RGPD2: variants seen among roughly 807,000 people sequenced by gnomAD.
The protein encoded by RGPD2 is RANBP2 like and GRIP domain containing 2.
A neutral mutation model predicts 36.0 loss-of-function variants in RGPD2; 2 were observed. That is an observed-to-expected ratio of 0.06 (90% confidence interval 0.02 to 0.17). RGPD2 has a LOEUF of 0.17. Ranked by LOEUF, RGPD2 falls within the 10% of genes least tolerant of loss-of-function variation. The probability of loss-of-function intolerance (pLI) is 1.00; values close to 1 mark genes in which losing one functional copy is unlikely to be tolerated. For synonymous variants in RGPD2, 19 were observed against 163.8 expected (o/e 0.12, Z 6.75); for missense variants, 40 against 464.3 (o/e 0.09, Z 8.40).
chr2:87,975,113 G>A, the RGPD2 span, among the ~76,000 whole-genome samples: 1 of 152,030 alleles, frequency 6.6e-6, no homozygotes, highest in Non-Finnish European at 1.5e-5. Context: ...CTCATTCCTG[G>A]TCCAGGCTTT....
At chr2:87,822,147 G>A (rs1686396763) in intron 1 of RGPD2, among the ~76,000 whole-genome samples, 1 of 152,064 alleles carries the variant, frequency 6.6e-6, no homozygotes, top group South Asian at 2.1e-4. Context: ...AGGACAATGA[G>A]GAAAAGTCTA....
the RGPD2 span, among the ~76,000 whole-genome samples, chr2:87,834,650 C>T: frequency 3.9e-5 from 6 of 151,916 alleles, no homozygotes; most frequent in Admixed American, 2.0e-4. Context: ...AAATTATACA[C>T]TGTAACACAT....
At chr2:87,974,027 C>T in the RGPD2 span, among the ~76,000 whole-genome samples, 1 of 152,120 alleles carries the variant, frequency 6.6e-6, no homozygotes, top group East Asian at 1.9e-4. Context: ...CTGTGTTTCA[C>T]AACTCCGGGG....
the RGPD2 span, among the ~76,000 whole-genome samples, chr2:87,959,053 TA>T: frequency 1.6e-3 from 38 of 24,108 alleles, 6 homozygotes; most frequent in African/African-American, 2.7e-3. Context: ...TATATATATA[TA>T]TATTTTTTTT....
the RGPD2 span, among the ~76,000 whole-genome samples, chr2:87,984,279 A>C: frequency 6.6e-6 from 1 of 152,218 alleles, no homozygotes; most frequent in African/African-American, 2.4e-5. Context: ...ACCCCTTTCC[A>C]AACATTACTT....
the RGPD2 span, among the ~76,000 whole-genome samples, chr2:87,857,464 T>TCC: frequency 6.6e-6 from 1 of 151,584 alleles, no homozygotes; most frequent in African/African-American, 2.4e-5. Context: ...TGCCTCAGCC[T>TCC]CTTGAGTAGC....
the RGPD2 span, among the ~76,000 whole-genome samples, chr2:87,974,957 C>T: frequency 6.6e-6 from 1 of 152,092 alleles, no homozygotes; most frequent in Non-Finnish European, 1.5e-5. Flanking sequence ...TGTTTAATCC[C>T]CCATTAGCTC....
At chr2:87,830,734 T>C (rs1672475922), upstream of RGPD2, among the ~76,000 whole-genome samples, 3 of 152,200 alleles carry the variant, frequency 2.0e-5, no homozygotes, top group Non-Finnish European at 4.4e-5. Flanking sequence ...AGGCATGTTT[T>C]ACATGGTGGA....
chr2:87,962,705 G>A, the RGPD2 span, among the ~76,000 whole-genome samples: 1 of 152,016 alleles, frequency 6.6e-6, no homozygotes, highest in African/African-American at 2.4e-5. Context: ...CTGAGGCCCA[G>A]CTACTCCAAA....
chr2:87,955,236 G>T, the RGPD2 span, among the ~76,000 whole-genome samples: 5 of 146,584 alleles, frequency 3.4e-5, 1 homozygote, highest in African/African-American at 1.3e-4. Context: ...GGATGGTCTC[G>T]ATCTCCTGAC....
the RGPD2 span, among the ~76,000 whole-genome samples, chr2:87,857,467 T>C: frequency 4.9e-4 from 74 of 151,366 alleles, no homozygotes; most frequent in African/African-American, 9.7e-4. Context: ...CTCAGCCTCT[T>C]GAGTAGCTGG....
the RGPD2 span, among the ~76,000 whole-genome samples, chr2:87,964,652 C>A: frequency 1.3e-5 from 2 of 150,228 alleles, no homozygotes; most frequent in Admixed American, 1.3e-4. Context: ...ATGCAGACTT[C>A]CATAACAACT....
the RGPD2 span, among the ~76,000 whole-genome samples, chr2:87,891,382 G>C: frequency 6.6e-6 from 1 of 151,692 alleles, no homozygotes; most frequent in Admixed American, 6.6e-5. Context: ...TCTGAAGAAG[G>C]CTTCTAGTGA....
the RGPD2 span, among the ~76,000 whole-genome samples, chr2:87,920,343 G>A: frequency 2.4e-4 from 37 of 151,520 alleles, no homozygotes; most frequent in Admixed American, 6.6e-4. Flanking sequence ...TAGTCATTTA[G>A]AACTACTCCA....
the RGPD2 span, among the ~76,000 whole-genome samples, chr2:87,964,942 A>T: frequency 1.0e-2 from 1,507 of 150,880 alleles, no homozygotes; most frequent in East Asian, 0.1. Context: ...TAGCATATGT[A>T]TAGTTCTCTT....
the RGPD2 span, among the ~76,000 whole-genome samples, chr2:87,979,875 CA>C: frequency 8.5e-3 from 980 of 114,966 alleles, 7 homozygotes; most frequent in African/African-American, 0.027. Context: ...GACTCCGTCT[CA>C]AAAAAAAAAA....
At chr2:87,938,373 GA>G in the RGPD2 span, among the ~76,000 whole-genome samples, 1 of 150,658 alleles carries the variant, frequency 6.6e-6, no homozygotes, top group East Asian at 2.0e-4. Context: ...AATAAATGAC[GA>G]AAATCTTGAA....
chr2:87,989,203 C>T, the RGPD2 span: 1 of 387,736 alleles, frequency 2.6e-6, no homozygotes, highest in Non-Finnish European at 4.5e-6. Flanking sequence ...TAAATAAAAT[C>T]TGTGCATTCT....
chr2:87,884,975 TAC>T, the RGPD2 span, among the ~76,000 whole-genome samples: 3 of 152,124 alleles, frequency 2.0e-5, no homozygotes, highest in Non-Finnish European at 4.4e-5. Context: ...GCTAGTACAG[TAC>T]ACTACAAGAA....
Sources: gnomAD v4.1 joint callset for allele counts (sites outside exome capture counted in the v4.1 genomes callset) on GRCh38, gnomAD v4.1.1 for gene constraint, MANE v1.5 for transcripts, NCBI Gene and HGNC (gene_info 2026-07-23, HGNC 2026-07-21) for gene names.